Variants in FRMD1 observed in about 807,000 individuals in gnomAD.
FRMD1 encodes the protein FERM domain-containing protein 1.
Under a neutral mutation model 54.9 loss-of-function variants are expected in FRMD1, and 51 were observed. The observed-to-expected ratio is 0.93, with a 90% CI of 0.74 to 1.17. The LOEUF (loss-of-function observed/expected upper bound fraction) is 1.17. Among genes scored for constraint, FRMD1 ranks in the 50% most tolerant of loss-of-function variants. FRMD1 has a pLI of 0.00. For synonymous variants in FRMD1, 324 were observed against 306.4 expected (o/e 1.06, Z -0.60); for missense variants, 729 against 743.0 (o/e 0.98, Z 0.22).
At chr6:168,066,168 A>G (rs1255293735) in intron 4 of FRMD1, 3 of 986,294 alleles carry the variant, frequency 3.0e-6, no homozygotes, top group Non-Finnish European at 3.6e-6. Context: ...CGGATGGTAT[A>G]CCCACCCTAG....
intron 7 of FRMD1, 53 bp from the exon 8 acceptor site, chr6:168,062,034 C>T: frequency 2.0e-6 from 3 of 1,527,918 alleles, no homozygotes; most frequent in Admixed American, 3.9e-5. Context: ...CCACGCTAGC[C>T]ACAGGAAAGG....
chr6:168,066,498 C>CAAAAA (rs2114981898), intron 4 of FRMD1: 1 of 1,172,140 alleles, frequency 8.5e-7, no homozygotes, highest in African/African-American at 1.6e-5. Context: ...AACTCCGTCT[C>CAAAAA]AAAACAAAAC....
intron 9 of FRMD1, among the ~76,000 whole-genome samples, chr6:168,060,237 G>A (rs1159853368): frequency 1.5e-5 from 2 of 132,448 alleles, no homozygotes; most frequent in African/African-American, 2.8e-5. Context: ...AGGAGTGGGG[G>A]TCTTCCTATG....
intron 1 of FRMD1, chr6:168,075,855 GT>G: frequency 1.5e-5 from 22 of 1,447,484 alleles, no homozygotes; most frequent in South Asian, 4.9e-5. Context: ...GGCGTCCCGT[GT>G]CCACATTTCC....
chr6:168,067,050 G>A (rs754202443), intron 3 of FRMD1: 14 of 742,034 alleles, frequency 1.9e-5, no homozygotes, highest in Non-Finnish European at 3.1e-5. Flanking sequence ...CTGCAAAGGC[G>A]GGCTTCGGGC....
At chr6:168,090,010 G>A (rs1451231519) in intron 1 of FRMD1, among the ~76,000 whole-genome samples, 2 of 152,104 alleles carry the variant, frequency 1.3e-5, no homozygotes, top group Non-Finnish European at 2.9e-5. Flanking sequence ...TGTAGGATGC[G>A]GGACTCAGTC....
intron 2 of FRMD1, among the ~76,000 whole-genome samples, chr6:168,074,077 G>A (rs886410228): frequency 1.3e-5 from 2 of 152,098 alleles, no homozygotes; most frequent in African/African-American, 4.8e-5. Context: ...TAGATGAGAA[G>A]CCACCAGTCC....
chr6:168,072,011 G>A (rs553593300), intron 2 of FRMD1, among the ~76,000 whole-genome samples: 25 of 152,368 alleles, frequency 1.6e-4, no homozygotes, highest in Admixed American at 2.6e-4. Context: ...CTGATGACAC[G>A]GACACTGTGC....
intron 1 of FRMD1, among the ~76,000 whole-genome samples, chr6:168,076,937 C>G (rs923527821): frequency 6.6e-6 from 1 of 151,952 alleles, no homozygotes; most frequent in Non-Finnish European, 1.5e-5. Context: ...CAGATACACA[C>G]GAGTATACAC....
At chr6:168,062,710 G>A (rs765791148) in intron 7 of FRMD1, 184 bp downstream of exon 7, 32 of 1,552,126 alleles carry the variant, frequency 2.1e-5, no homozygotes, top group South Asian at 8.3e-5. Context: ...AGGGGAGGTC[G>A]TACAGCAGCT....
intron 7 of FRMD1, 47 bp from the exon 8 acceptor site, chr6:168,062,028 G>A (rs754117711): frequency 1.2e-5 from 18 of 1,535,310 alleles, no homozygotes; most frequent in East Asian, 7.3e-5. Flanking sequence ...GGAAAACCAC[G>A]CTAGCCACAG....
chr6:168,081,442 G>T (rs780805597), upstream of FRMD1: 2 of 1,535,598 alleles, frequency 1.3e-6, no homozygotes, highest in African/African-American at 1.4e-5. Context: ...GGCAGAGGCC[G>T]CGAGGAAGAG....
chr6:168,063,625 G>A lies in FRMD1; in HGVS notation c.780C>T (p.Pro260=), dbSNP rs139110063. 1.1e-5 allele frequency: 17 copies of A among 1,612,788 alleles called. No individual in the cohort carries two copies. Among genetic ancestry groups the A allele is most frequent in the East Asian group, 6.7e-5 (3 of 44,874 alleles). The change falls in exon 6 of 11, where the codon CCC becomes CCT. Residue 260 remains proline (P), a synonymous_variant. Transcript: ENST00000283309. ...IQEACRLEDV[P]VHFFRLHKDK... is the part of the protein sequence containing the mutation. ...CCTTGTGCAGCCTGAAGAAGTGCAC[G>A]GGCACGTCCTCCAGCCGGCAGGCCT...
chr6:168,059,164 T>C lies in FRMD1; in HGVS notation c.1367A>G (p.Gln456Arg). 1 of 1,588,656 alleles carries C rather than the reference T, an allele frequency of 6.3e-7. No homozygotes were observed. ...SQATRQEPCT[Q>R]VRTRGQSAEA... ...GGCGCTCTGGCCTCTGGTCCTGACC[T>C]GGGTGCAGGGCTCCTGACGAGTGGC... Residue 456 changes from glutamine to arginine, a missense_variant, in exon 10 of 11, where the codon CAG (glutamine) becomes CGG (arginine). Coordinates refer to ENST00000283309, the MANE Select transcript of FRMD1 (RefSeq NM_024919.6). The surrounding 1 kb of genome is among the most constrained non-coding windows in gnomAD (Gnocchi z 4.4).
At chr6:168,083,532 C>T (rs1490547150), upstream of FRMD1, among the ~76,000 whole-genome samples, 4 of 152,244 alleles carry the variant, frequency 2.6e-5, no homozygotes, top group Non-Finnish European at 4.4e-5. Context: ...TTAACCCCAA[C>T]GGGAAAGATG....
chr6:168,091,434 C>T (rs1801014123), intron 1 of FRMD1, among the ~76,000 whole-genome samples: 1 of 152,246 alleles, frequency 6.6e-6, no homozygotes, highest in South Asian at 2.1e-4. Context: ...GAGTCCTCCT[C>T]AAGTCCTCGC....
intron 1 of FRMD1, among the ~76,000 whole-genome samples, chr6:168,089,123 C>T (rs1025418802): frequency 1.3e-5 from 2 of 152,256 alleles, no homozygotes; most frequent in African/African-American, 4.8e-5. Flanking sequence ...TGGGGGGCTG[C>T]ACTGGGTGGT....
rs1049306916 is a variant in FRMD1 at position 168,061,168 on chromosome 6, C to T, written c.1046-111G>A. ...TGCACACCCACAGCCCAGATGAGGACGTGGAACAGGCAGGGAGACCAGGCC... is the reference window on the plus strand; with the variant it reads ...TGCACACCCACAGCCCAGATGAGGATGTGGAACAGGCAGGGAGACCAGGCC... On this transcript the variant is annotated intron_variant, in intron 8 of 10. Transcript: ENST00000283309. 4.0e-5 allele frequency: 44 copies of T among 1,097,488 alleles called. No individual in the cohort carries two copies. The East Asian group carries it at 8.4e-4, about 21-fold the overall frequency. The allele number at this position is 1,097,488 out of a possible 1,614,324, so 68.0% of individuals were successfully genotyped here. A position where few individuals can be genotyped will look rare whatever the true frequency, so the allele number is the denominator to read the frequency against.
upstream of FRMD1, chr6:168,081,421 G>A: frequency 1.3e-6 from 2 of 1,535,606 alleles, no homozygotes; most frequent in Non-Finnish European, 1.7e-6. Context: ...GTCAGGGCCG[G>A]GCAGTGGACG....
Sources: allele counts gnomAD v4.1 joint callset (sites outside exome capture counted in the v4.1 genomes callset), GRCh38; gene constraint gnomAD v4.1.1; non-coding constraint Gnocchi (gnomAD v3.1); transcripts MANE v1.5; gene names NCBI Gene and HGNC (gene_info 2026-07-23, HGNC 2026-07-21).